SLMAP: variants seen among roughly 807,000 people sequenced by gnomAD.
SLMAP encodes sarcolemma associated protein, also known as sarcolemmal membrane-associated protein.
In SLMAP, 44 loss-of-function variants were observed where a neutral mutation model predicts 128.8. The observed-to-expected ratio is 0.34, with a 90% CI of 0.27 to 0.44. The LOEUF (loss-of-function observed/expected upper bound fraction) is 0.44, where lower values mean the gene tolerates loss of function less well. Ranked by LOEUF, SLMAP falls within the 20% of genes least tolerant of loss-of-function variation. SLMAP has a pLI of 1.00. For missense variants in SLMAP, 787 were observed against 985.3 expected, an observed-to-expected ratio of 0.80 and a Z score of 2.69; for synonymous variants, 327 against 348.8, an observed-to-expected ratio of 0.94 and a Z score of 0.70.
Position 57,916,911 on chromosome 3 carries a change from A to G in SLMAP, c.2144A>G (p.Gln715Arg). The G allele has an allele frequency of 1.2e-6, 2 of 1,612,536 alleles. No homozygotes were observed. The highest frequency in any genetic ancestry group is 1.7e-6 in the Non-Finnish European group (2 of 1,178,860). The change falls in exon 22 of 25, where the codon CAG (glutamine) becomes CGG (arginine). Residue 715 changes from glutamine to arginine, a missense_variant. Gln to Arg is a conservative substitution (Grantham distance 43). Coordinates refer to ENST00000671191, the MANE Select transcript of SLMAP (RefSeq NM_001377540.1). ...TGTCAATATTTATATTGCAGTTCTC[A>G]GAAGCAGAGTTTAGAGCTTACCAGT... is the stretch of plus-strand genomic sequence containing the variant. The part of the protein sequence containing the change: ...QRQEKELHNS[Q>R]KQSLELTSDL...
chr3:57,864,665 G>T lies in SLMAP; in HGVS notation c.1084G>T (p.Ala362Ser). 1 of 1,597,232 alleles carries T rather than the reference G, an allele frequency of 6.3e-7. No individual in the cohort carries two copies. Among genetic ancestry groups the T allele is most frequent in the East Asian group, 2.2e-5 (1 of 44,584 alleles). The change falls in exon 11 of 25, where the codon GCT (alanine) becomes TCT (serine). Residue 362 changes from alanine (A) to serine (S), a missense_variant. This residue lies in a region of SLMAP where 715 missense variants were observed against 843.6 expected (regional missense o/e 0.85). Coordinates refer to ENST00000671191, the MANE Select transcript of SLMAP (RefSeq NM_001377540.1). The part of the protein sequence containing the change: ...KEQELQAKIE[A>S]LQADNDFTNE... ...ACAGGAGCTCCAGGCAAAAATAGAA[G>T]CTTTGCAAGCTGATAATGATTTCAC...
At chr3:57,884,644 C>T (rs2095833251) in intron 14 of SLMAP, among the ~76,000 whole-genome samples, 1 of 151,962 alleles carries the variant, frequency 6.6e-6, no homozygotes, top group African/African-American at 2.4e-5. Context: ...CACGTCTCTA[C>T]AAAAAATGCA....
Position 57,864,585 on chromosome 3 carries a change from G to A in SLMAP, c.1004G>A (p.Gly335Glu). The change falls in exon 11 of 25, where the codon GGA becomes GAA. Residue 335 changes from glycine to glutamate, a missense_variant. Physicochemically the swap from Gly to Glu is moderately conservative, Grantham distance 98. This residue lies in a region of SLMAP where 715 missense variants were observed against 843.6 expected (regional missense o/e 0.85). Coordinates refer to ENST00000671191, the MANE Select transcript of SLMAP (RefSeq NM_001377540.1). The stretch of plus-strand genomic sequence containing the variant: ...AAACAAGAGGAAATCCAACAGAAGG[G>A]ACAGGCTGAGAAAAAAGAATTACAA... Reference protein sequence around the residue: ...EGKQEEIQQKGQAEKKELQHK... With the variant: ...EGKQEEIQQKEQAEKKELQHK... 1 of 1,586,642 alleles carries A rather than the reference G, an allele frequency of 6.3e-7. No homozygotes were observed. Among genetic ancestry groups the A allele is most frequent in the Non-Finnish European group, 8.5e-7 (1 of 1,173,310 alleles).
chr3:57,777,724 A>G (rs2082213828), intron 2 of SLMAP, among the ~76,000 whole-genome samples: 1 of 152,258 alleles, frequency 6.6e-6, no homozygotes, highest in Non-Finnish European at 1.5e-5. Context: ...GAAACAGTCA[A>G]AAGACACACA....
At chr3:57,846,554 A>C (rs1040874896) in intron 4 of SLMAP, among the ~76,000 whole-genome samples, 1 of 136,010 alleles carries the variant, frequency 7.4e-6, no homozygotes, top group Non-Finnish European at 1.6e-5. Context: ...AAAATGGATA[A>C]TTTTTTTTTT....
rs11434318 is a variant in SLMAP, at chr3:57,891,577, CT to C, written c.1360+1489del. On this transcript the variant is annotated intron_variant, in intron 15 of 24. Transcript: ENST00000671191. ...CAATTCCACTTTTGGGTTTTTAACC[CT>C]TTTTTTTTTTTCCTTGAGACGGAGT... Among the ~76,000 whole-genome samples, 154 of 145,566 alleles carry C rather than the reference CT, an allele frequency of 1.1e-3. 1 individual carries two copies. The highest frequency in any genetic ancestry group is 1.2e-3 in the East Asian group (6 of 5,032).
In SLMAP at chr3:57,857,022, A is replaced by ATC; in HGVS notation, c.520-710_520-709insCT. Among the ~76,000 whole-genome samples, 2 of 152,252 alleles carry ATC rather than the reference A, an allele frequency of 1.3e-5. 1 individual carries two copies. The highest frequency in any genetic ancestry group is 4.1e-4 in the South Asian group (2 of 4,826). On this transcript the variant is annotated intron_variant, in intron 6 of 24. Transcript: ENST00000671191. ...ACTGTGTATGTGTGTATGCATAGATATATGTCTACATACACACAGTGTGTA... is the reference window on the plus strand; with the variant it reads ...ACTGTGTATGTGTGTATGCATAGATATCTATGTCTACATACACACAGTGTGTA...
intron 17 of SLMAP, 37 bp downstream of exon 17, chr3:57,896,969 G>A (rs1667409393): frequency 2.5e-6 from 4 of 1,611,300 alleles, no homozygotes; most frequent in South Asian, 2.2e-5. Context: ...GTAAACCAGG[G>A]TATCAAATCA....
At chr3:57,862,707 G>T (rs968386923) in intron 10 of SLMAP, among the ~76,000 whole-genome samples, 2 of 150,674 alleles carry the variant, frequency 1.3e-5, no homozygotes, top group African/African-American at 4.9e-5. Context: ...GAATTGATTT[G>T]CATAGTCTCC....
Position 57,841,389 on chromosome 3 carries a change from C to A in SLMAP, c.419+18C>A. The A allele has an allele frequency of 1.3e-6, 2 of 1,528,080 alleles. No homozygotes were observed. Among genetic ancestry groups the A allele is most frequent in the East Asian group, 2.3e-5 (1 of 43,914 alleles). 94.7% of individuals were successfully genotyped at this position (1,528,080 alleles called of 1,614,324 possible). A position where few individuals can be genotyped will look rare whatever the true frequency, so the allele number is the denominator to read the frequency against. Reference sequence around the variant, plus strand: ...CGCTCAGAGTGAGTATAATTTAGTACTGTGAAGTTTTTGTGAAGTTTAGTA... The same window carrying A: ...CGCTCAGAGTGAGTATAATTTAGTAATGTGAAGTTTTTGTGAAGTTTAGTA... On this transcript the variant is annotated intron_variant, in intron 4 of 24. Coordinates refer to ENST00000671191, the MANE Select transcript of SLMAP (RefSeq NM_001377540.1).
chr3:57,773,892 A>C (rs1282200537), intron 2 of SLMAP, among the ~76,000 whole-genome samples: 1 of 152,186 alleles, frequency 6.6e-6, no homozygotes, highest in African/African-American at 2.4e-5. Flanking sequence ...ACTTGTGTGC[A>C]TTTTTAAGGT....
At chr3:57,857,508 T>G (rs932025660) in intron 6 of SLMAP, among the ~76,000 whole-genome samples, 4 of 152,242 alleles carry the variant, frequency 2.6e-5, no homozygotes, top group Non-Finnish European at 5.9e-5. Context: ...TGTCTGTCTC[T>G]CTCAAAATAT....
chr3:57,869,636 A>G (rs995869916), intron 13 of SLMAP, among the ~76,000 whole-genome samples: 1 of 124,368 alleles, frequency 8.0e-6, no homozygotes, highest in African/African-American at 3.3e-5. Flanking sequence ...TCTATTATAT[A>G]TATATATATA....
intron 2 of SLMAP, among the ~76,000 whole-genome samples, chr3:57,791,247 C>T (rs1005982346): frequency 2.6e-5 from 4 of 152,036 alleles, no homozygotes; most frequent in African/African-American, 9.6e-5. Context: ...GTAATTCCAG[C>T]TACTTGGGAG....
At chr3:57,801,386 A>C (rs1211841399) in intron 2 of SLMAP, 1 of 152,710 alleles carries the variant, frequency 6.5e-6, no homozygotes, top group African/African-American at 2.4e-5. Context: ...ACATTTCTTA[A>C]TTTCAAGTTT....
At chr3:57,798,428 CTCTT>C (rs1553802000) in intron 2 of SLMAP, among the ~76,000 whole-genome samples, 5 of 152,214 alleles carry the variant, frequency 3.3e-5, no homozygotes, top group Non-Finnish European at 4.4e-5. Flanking sequence ...TTTTCTGACT[CTCTT>C]TGTTTTGAAA....
intron 2 of SLMAP, among the ~76,000 whole-genome samples, chr3:57,793,136 A>G (rs1007294730): frequency 6.7e-6 from 1 of 149,196 alleles, no homozygotes; most frequent in Non-Finnish European, 1.5e-5. Flanking sequence ...TCTCAATAAG[A>G]AAACCCAAAA....
At chr3:57,781,855 C>T (rs1229233865) in intron 2 of SLMAP, among the ~76,000 whole-genome samples, 1 of 151,530 alleles carries the variant, frequency 6.6e-6, no homozygotes, top group Admixed American at 6.6e-5. Context: ...TCCTCAGCCT[C>T]CCAAGTAGCT....
intron 3 of SLMAP, among the ~76,000 whole-genome samples, chr3:57,840,556 ACT>A (rs1211936660): frequency 1.3e-5 from 2 of 152,122 alleles, no homozygotes; most frequent in Non-Finnish European, 2.9e-5. Context: ...ATATAGAGAA[ACT>A]CTGTACAAGT....
Sources: allele counts gnomAD v4.1 joint callset (sites outside exome capture counted in the v4.1 genomes callset), GRCh38; gene constraint gnomAD v4.1.1; regional missense constraint gnomAD v4.1.1; transcripts MANE v1.5; gene names NCBI Gene and HGNC (gene_info 2026-07-23, HGNC 2026-07-21).